Variants in ANO1 observed in about 807,000 individuals in gnomAD.
ANO1 encodes anoctamin 1.
In ANO1, 59 loss-of-function variants were observed where a neutral mutation model predicts 124.0. That is an observed-to-expected ratio of 0.48 (90% CI 0.39 to 0.59). ANO1 has a LOEUF of 0.59. Among genes scored for constraint, ANO1 ranks in the 20% least tolerant of loss-of-function variants. The pLI is 0.00. For synonymous variants in ANO1, 529 were observed against 532.0 expected, an observed-to-expected ratio of 0.99 and a Z score of 0.08; for missense variants, 1,059 against 1,328.0, an observed-to-expected ratio of 0.80 and a Z score of 3.15.
At chr11:70,033,466 C>A (rs1193383144) in intron 1 of ANO1, among the ~76,000 whole-genome samples, 3 of 152,222 alleles carry the variant, frequency 2.0e-5, no homozygotes, top group South Asian at 4.1e-4. Flanking sequence ...TCCCTCCAGG[C>A]TCCTGCCTTG....
chr11:70,004,756 G>A (rs782076190), intron 1 of ANO1, among the ~76,000 whole-genome samples: 4 of 152,162 alleles, frequency 2.6e-5, no homozygotes, highest in Non-Finnish European at 5.9e-5. Flanking sequence ...TAACACAGTG[G>A]GCACAAGTGA....
chr11:70,004,169 G>A (rs1317995712), intron 1 of ANO1, among the ~76,000 whole-genome samples: 1 of 152,168 alleles, frequency 6.6e-6, no homozygotes, highest in Non-Finnish European at 1.5e-5. Flanking sequence ...ACCTGACTTT[G>A]TCTTCACAAG....
At position 70,156,063 on chromosome 11, in the gene ANO1, A is replaced by G; in HGVS notation, c.1503+75A>G. ...TCAAAGTCGATTGTGTTTTTCCTCA[A>G]CAAACTGTTGTATATATTTTTTTTT... On this transcript the variant is annotated intron_variant, in intron 15 of 25. Transcript: ENST00000355303. The G allele has an allele frequency of 2.3e-6, 3 of 1,328,528 alleles. No individual in the cohort carries two copies. In the South Asian group the frequency reaches 4.7e-5, roughly 21 times the overall value. 82.3% of individuals were successfully genotyped at this position (1,328,528 alleles called of 1,614,324 possible).
At chr11:70,139,200 AG>A (rs1346972077) in intron 11 of ANO1, among the ~76,000 whole-genome samples, 5 of 152,182 alleles carry the variant, frequency 3.3e-5, no homozygotes, top group Non-Finnish European at 7.3e-5. Flanking sequence ...TCTGTCGCCC[AG>A]GCTGGAGTGC....
intron 1 of ANO1, among the ~76,000 whole-genome samples, chr11:70,041,059 C>T (rs1355551638): frequency 2.6e-5 from 4 of 152,162 alleles, no homozygotes; most frequent in Admixed American, 6.5e-5. Flanking sequence ...CTCCATTGCC[C>T]TCCAGCCCTG....
chr11:70,162,618 A>G (rs1294044397), intron 18 of ANO1, among the ~76,000 whole-genome samples: 1 of 42,960 alleles, frequency 2.3e-5, no homozygotes, highest in African/African-American at 9.0e-5. Flanking sequence ...CCCCACCACC[A>G]CTCCTGCAAG....
chr11:69,983,745 G>T (rs1245996500), upstream of ANO1, among the ~76,000 whole-genome samples: 4 of 152,306 alleles, frequency 2.6e-5, no homozygotes, highest in East Asian at 1.9e-4. Flanking sequence ...ACTTTTAAAC[G>T]TCTGGGTCTT....
intron 1 of ANO1, among the ~76,000 whole-genome samples, chr11:70,061,807 G>C (rs1012120207): frequency 7.2e-5 from 11 of 152,130 alleles, no homozygotes; most frequent in African/African-American, 2.7e-4. Flanking sequence ...GTGACAGCTA[G>C]AGCTTCAGAC....
At chr11:70,108,980 G>A (rs1446917625) in intron 6 of ANO1, among the ~76,000 whole-genome samples, 1 of 152,166 alleles carries the variant, frequency 6.6e-6, no homozygotes, top group East Asian at 1.9e-4. Flanking sequence ...GTGTAGCTGG[G>A]AACCACCCCC....
rs1212648675 is a variant in ANO1 at position 70,154,291 on chromosome 11, AG to A, written c.1425+1167del. Among the ~76,000 whole-genome samples, 21 of 151,932 alleles carry A rather than the reference AG, an allele frequency of 1.4e-4. 1 individual carries two copies. The highest frequency in any genetic ancestry group is 6.6e-5 in the Admixed American group (1 of 15,258). ...GTTTGTCTTTCCTTGTCAATGTGTCAGGGGACAGTGCTCACAGGTCCAAAGT... is the reference window on the plus strand; with the variant it reads ...GTTTGTCTTTCCTTGTCAATGTGTCAGGGACAGTGCTCACAGGTCCAAAGT... On this transcript the variant is annotated intron_variant, in intron 14 of 25. Transcript: ENST00000355303.
Position 70,078,692 on chromosome 11 carries a change from G to T in ANO1, c.86G>T (p.Gly29Val). The T allele has an allele frequency of 6.7e-7, 1 of 1,487,450 alleles. No homozygotes were observed. The highest frequency in any genetic ancestry group is 1.2e-5 in the South Asian group (1 of 84,870). The allele number at this position is 1,487,450 out of a possible 1,614,324, so 92.1% of individuals were successfully genotyped here. ...IINICAIEDIGYLPSEGTLLN... is the reference protein window; with the variant it reads ...IINICAIEDIVYLPSEGTLLN... ...AACATCTGCGCCATCGAGGACATCG[G>T]CTACCTGCCGTCCGAGGGCACGGTG... is the stretch of plus-strand genomic sequence containing the variant. Residue 29 changes from glycine (G) to valine (V), a missense_variant, in exon 1 of 26, where the codon GGC becomes GTC. By Grantham distance (109) the Gly-to-Val change is moderately radical. Transcript: ENST00000355303.
chr11:70,148,890 G>T (rs2047481142), intron 11 of ANO1, among the ~76,000 whole-genome samples: 1 of 152,232 alleles, frequency 6.6e-6, no homozygotes, highest in South Asian at 2.1e-4. Context: ...GATGCAGGCT[G>T]AAGAAGGTCC....
At chr11:70,036,487 AGGAAGGC>A (rs1555004426) in intron 1 of ANO1, among the ~76,000 whole-genome samples, 1 of 152,172 alleles carries the variant, frequency 6.6e-6, no homozygotes, top group Non-Finnish European at 1.5e-5. Context: ...CCCACTGGTA[AGGAAGGC>A]CTGCTCGGTG....
At chr11:70,107,033 G>T (rs545191431) in intron 5 of ANO1, among the ~76,000 whole-genome samples, 3 of 152,320 alleles carry the variant, frequency 2.0e-5, no homozygotes, top group Non-Finnish European at 4.4e-5. Flanking sequence ...TAAATGACTG[G>T]TGGATGAGGG....
At chr11:70,073,779 A>G (rs182107502), upstream of ANO1, among the ~76,000 whole-genome samples, 22 of 151,792 alleles carry the variant, frequency 1.4e-4, no homozygotes, top group Admixed American at 8.5e-4. Flanking sequence ...GAATCTGAAA[A>G]CCCTCCTATG....
chr11:70,055,610 A>C (rs782416998), intron 1 of ANO1, among the ~76,000 whole-genome samples: 13 of 152,074 alleles, frequency 8.5e-5, no homozygotes, highest in Non-Finnish European at 1.8e-4. Context: ...AAGTTTTAAA[A>C]AATTCAGTCT....
chr11:70,162,499 G>A (rs1441140707), intron 18 of ANO1, among the ~76,000 whole-genome samples: 1 of 152,146 alleles, frequency 6.6e-6, no homozygotes, highest in East Asian at 1.9e-4. Flanking sequence ...CTGGCCACTT[G>A]AGCCCTCTTC....
At position 70,123,179 on chromosome 11, in the gene ANO1, C is replaced by T. The variant is rs561159993; in HGVS notation, c.898-1171C>T. Among the ~76,000 whole-genome samples the T allele has an allele frequency of 8.9e-4, 135 of 152,286 alleles. 1 individual carries two copies. The highest frequency in any genetic ancestry group is 1.4e-3 in the Non-Finnish European group (96 of 68,026). On this transcript the variant is annotated intron_variant, in intron 8 of 25. Coordinates refer to ENST00000355303, the MANE Select transcript of ANO1 (RefSeq NM_018043.7). ...GGGGGTGGGGGAACCTTCCCAGGGC[C>T]GCAGACAAGTCACAAGCCCCTCCAA...
chr11:69,983,494 C>A (rs570044340), upstream of ANO1, among the ~76,000 whole-genome samples: 8 of 152,200 alleles, frequency 5.3e-5, no homozygotes, highest in Non-Finnish European at 1.2e-4. Context: ...TAAATATCTT[C>A]CTGCCATGCC....
Sources: gnomAD v4.1 joint callset for allele counts (sites outside exome capture counted in the v4.1 genomes callset) on GRCh38, gnomAD v4.1.1 for gene constraint, MANE v1.5 for transcripts, NCBI Gene and HGNC (gene_info 2026-07-23, HGNC 2026-07-21) for gene names.